Variants in ZFYVE9 observed in about 807,000 individuals in gnomAD.
ZFYVE9 encodes zinc finger FYVE domain-containing protein 9.
A neutral mutation model predicts 126.7 loss-of-function variants in ZFYVE9; 43 were observed. The ratio of observed to expected loss-of-function variants is 0.34; its 90% CI spans 0.27 to 0.44. The LOEUF (loss-of-function observed/expected upper bound fraction) is 0.44, where lower values mean the gene tolerates loss of function less well. Ranked by LOEUF, ZFYVE9 falls within the 20% of genes least tolerant of loss-of-function variation. The pLI, the probability that ZFYVE9 is intolerant of heterozygous loss-of-function variation, is 1.00. For missense variants in ZFYVE9, 1,476 were observed against 1,697.0 expected, an observed-to-expected ratio of 0.87 and a Z score of 2.29; for synonymous variants, 521 against 597.4, an observed-to-expected ratio of 0.87 and a Z score of 1.87.
chr1:52,319,042 A>G (rs1646213373), intron 13 of ZFYVE9, among the ~76,000 whole-genome samples: 2 of 152,222 alleles, frequency 1.3e-5, no homozygotes, highest in African/African-American at 2.4e-5. Flanking sequence ...GGTTGCAGTG[A>G]GCTGAGATTG....
At chr1:52,152,839 C>T (rs563230198) in intron 1 of ZFYVE9, among the ~76,000 whole-genome samples, 3 of 152,256 alleles carry the variant, frequency 2.0e-5, no homozygotes, top group South Asian at 2.1e-4. Context: ...GGTTCAGGTC[C>T]GCTGGGAAGC....
chr1:52,297,242 C>CT (rs767708782), intron 12 of ZFYVE9, among the ~76,000 whole-genome samples: 10,738 of 134,064 alleles, frequency 0.08, 1,038 homozygotes, highest in African/African-American at 0.22. Context: ...AAAAACATTT[C>CT]TTTTTTTTTT....
chr1:52,240,583 A>C lies in ZFYVE9; in HGVS notation c.2178+988A>C, dbSNP rs114851559. On this transcript the variant is annotated intron_variant, in intron 4 of 18. Coordinates refer to ENST00000287727, the MANE Select transcript of ZFYVE9 (RefSeq NM_004799.4). ...CTTAGGTGAAAATAACATTTATTTC[A>C]TGTAAACAGAAGCTATGAGACTCAG... Among the ~76,000 whole-genome samples the C allele has an allele frequency of 1.1e-3, 164 of 152,282 alleles. 1 individual carries two copies. Among genetic ancestry groups the C allele is most frequent in the African/African-American group, 3.7e-3 (154 of 41,562 alleles).
chr1:52,266,784 C>T lies in ZFYVE9; in HGVS notation c.2408C>T (p.Pro803Leu). 1 of 1,610,850 alleles carries T rather than the reference C, an allele frequency of 6.2e-7. No individual in the cohort carries two copies. The highest frequency in any genetic ancestry group is 2.2e-5 in the East Asian group (1 of 44,670). Residue 803 changes from proline to leucine, a missense_variant, in exon 6 of 19, where the codon CCC becomes CTC. Around this residue, in one of 2 missense-constraint regions of ZFYVE9, gnomAD observed 669 missense variants for 902.4 expected, o/e 0.74. Coordinates refer to ENST00000287727, the MANE Select transcript of ZFYVE9 (RefSeq NM_004799.4). ...TCAGGAGCTCTGAGCTCTCCACCTC[C>T]CACTGTGATGGTACCTGTGGGAGTT... ...QASGALSSPP[P>L]TVMVPVGVLK...
chr1:52,308,988 C>G (rs1213460524), intron 13 of ZFYVE9, among the ~76,000 whole-genome samples: 1 of 152,102 alleles, frequency 6.6e-6, no homozygotes, highest in Non-Finnish European at 1.5e-5. Context: ...AAATTTATTG[C>G]AAGTATACTA....
chr1:52,251,515 A>G (rs1645446416), intron 4 of ZFYVE9, among the ~76,000 whole-genome samples: 1 of 152,132 alleles, frequency 6.6e-6, no homozygotes, highest in African/African-American at 2.4e-5. Flanking sequence ...ATTGATTTTC[A>G]TAAGTTGAAT....
intron 2 of ZFYVE9, among the ~76,000 whole-genome samples, chr1:52,216,950 T>G (rs1365849667): frequency 6.6e-6 from 1 of 152,226 alleles, no homozygotes; most frequent in African/African-American, 2.4e-5. Context: ...CCTTGTCTTT[T>G]TCCTAACTAG....
chr1:52,268,004 A>G (rs1645650679), intron 6 of ZFYVE9, among the ~76,000 whole-genome samples: 2 of 152,312 alleles, frequency 1.3e-5, no homozygotes, highest in Non-Finnish European at 2.9e-5. Flanking sequence ...AACATTCTTC[A>G]GGGCATCTTT....
chr1:52,255,968 CTTTCTTTCTT>C (rs1645511160), intron 4 of ZFYVE9, among the ~76,000 whole-genome samples: 1 of 71,170 alleles, frequency 1.4e-5, no homozygotes, highest in South Asian at 4.5e-4. Context: ...CTTTTCTTTT[CTTTCTTTCTT>C]TCTTTCCTTC....
At chr1:52,169,442 CTTTA>C in intron 1 of ZFYVE9, among the ~76,000 whole-genome samples, 1 of 151,868 alleles carries the variant, frequency 6.6e-6, no homozygotes, top group Non-Finnish European at 1.5e-5. Flanking sequence ...TTTCCTCTCT[CTTTA>C]TTTTTCATCT....
chr1:52,237,426 C>G, intron 3 of ZFYVE9, 62 bp from the exon 4 acceptor site: 1 of 1,371,068 alleles, frequency 7.3e-7, no homozygotes, highest in South Asian at 1.5e-5. Flanking sequence ...ATGTTATTAA[C>G]TTAGTCATAA....
At position 52,162,372 on chromosome 1, in the gene ZFYVE9, C is replaced by T. The variant is rs543812210; in HGVS notation, c.-143+19969C>T. 2.1e-4 allele frequency: 75 copies of T among 353,584 alleles called. No homozygotes were observed. The East Asian group carries it at 4.1e-3, about 19-fold the overall frequency. 21.9% of individuals were successfully genotyped at this position (353,584 alleles called of 1,614,324 possible). ...CCACTGCCGCCTTTGCCACCACCTC[C>T]GCCACCACCACTATGAGTTCTGCCC... On this transcript the variant is annotated intron_variant, in intron 1 of 18. Coordinates refer to ENST00000287727, the MANE Select transcript of ZFYVE9 (RefSeq NM_004799.4).
At chr1:52,170,487 A>G (rs2124523650) in intron 1 of ZFYVE9, among the ~76,000 whole-genome samples, 1 of 151,982 alleles carries the variant, frequency 6.6e-6, no homozygotes, top group Non-Finnish European at 1.5e-5. Flanking sequence ...AAATTCATTT[A>G]TTCTCTGATC....
intron 1 of ZFYVE9, among the ~76,000 whole-genome samples, chr1:52,193,707 CAAAAAAAAA>C (rs771434275): frequency 3.5e-5 from 2 of 56,400 alleles, no homozygotes; most frequent in South Asian, 9.4e-4. Context: ...AACTCTGTCT[CAAAAAAAAA>C]AAAAAAAAAA....
At position 52,233,174 on chromosome 1, in the gene ZFYVE9, T is replaced by G; in HGVS notation, c.-33T>G. 1 of 1,483,948 alleles carries G rather than the reference T, an allele frequency of 6.7e-7. No homozygotes were observed. The highest frequency in any genetic ancestry group is 9.1e-7 in the Non-Finnish European group (1 of 1,104,844). The allele number at this position is 1,483,948 out of a possible 1,614,324, so 91.9% of individuals were successfully genotyped here. A position where few individuals can be genotyped will look rare whatever the true frequency, so the allele number is the denominator to read the frequency against. Reference sequence around the variant, plus strand: ...GTAATACGCATTTACTTTTTAGGTTTAAACAAGTCTCTTAAGTGGTGTTTC... The same window carrying G: ...GTAATACGCATTTACTTTTTAGGTTGAAACAAGTCTCTTAAGTGGTGTTTC... On this transcript the variant is annotated 5_prime_UTR_variant, in exon 3 of 19. Coordinates refer to ENST00000287727, the MANE Select transcript of ZFYVE9 (RefSeq NM_004799.4).
chr1:52,214,746 G>A (rs1645057320), intron 1 of ZFYVE9, among the ~76,000 whole-genome samples: 1 of 152,118 alleles, frequency 6.6e-6, no homozygotes, highest in African/African-American at 2.4e-5. Flanking sequence ...TTCCCAATCT[G>A]CTGTCTGCAA....
chr1:52,295,667 T>C (rs777998493), intron 11 of ZFYVE9, among the ~76,000 whole-genome samples: 8 of 152,150 alleles, frequency 5.3e-5, no homozygotes, highest in Non-Finnish European at 8.8e-5. Context: ...CTGGCTATTG[T>C]GTGTCATTTT....
chr1:52,275,877 G>A (rs949013145), intron 8 of ZFYVE9, among the ~76,000 whole-genome samples: 1 of 146,914 alleles, frequency 6.8e-6, no homozygotes, highest in Admixed American at 6.8e-5. Flanking sequence ...AATGTCTTTA[G>A]TGTAAATTAC....
intron 1 of ZFYVE9, among the ~76,000 whole-genome samples, chr1:52,202,031 A>G (rs943751938): frequency 2.6e-5 from 4 of 151,906 alleles, no homozygotes; most frequent in Non-Finnish European, 5.9e-5. Flanking sequence ...TGATCCCCCC[A>G]TCTTGGCCTC....
Sources: gnomAD v4.1 joint callset for allele counts (sites outside exome capture counted in the v4.1 genomes callset) on GRCh38, gnomAD v4.1.1 for gene constraint, gnomAD v4.1.1 regional missense constraint, MANE v1.5 for transcripts, NCBI Gene and HGNC (gene_info 2026-07-23, HGNC 2026-07-21) for gene names.